The following SYBU variants were observed in gnomAD, a reference collection of about 807,000 sequenced individuals.
The protein encoded by SYBU is GOLSYN A protein.
In SYBU, 21 loss-of-function variants were observed where a neutral mutation model predicts 35.9. The observed-to-expected ratio is 0.58, with a 90% CI of 0.41 to 0.84. SYBU has a LOEUF of 0.84. SYBU is among the 40% of genes least tolerant of loss of function. SYBU has a pLI of 0.00. For synonymous variants in SYBU, 319 were observed against 324.3 expected, an observed-to-expected ratio of 0.98 and a Z score of 0.18; for missense variants, 768 against 848.2, an observed-to-expected ratio of 0.91 and a Z score of 1.17.
At chr8:109,614,707 C>T (rs1438202208) in intron 3 of SYBU, among the ~76,000 whole-genome samples, 1 of 152,210 alleles carries the variant, frequency 6.6e-6, no homozygotes, top group Non-Finnish European at 1.5e-5. Flanking sequence ...TTCAGCCTTG[C>T]GTGTTTTGCA....
In SYBU at chr8:109,643,172, C is replaced by T. The variant is rs973687027; in HGVS notation, c.25-240G>A. The T allele has an allele frequency of 1.5e-5, 16 of 1,096,390 alleles. No individual in the cohort carries two copies. The highest frequency in any genetic ancestry group is 1.3e-4 in the East Asian group (3 of 22,450). The allele number at this position is 1,096,390 out of a possible 1,614,324, so 67.9% of individuals were successfully genotyped here. ...GCACACACACACACACACACACACA[C>T]ATATACACACCTCCACTCACTAGCT... On this transcript the variant is annotated intron_variant, in intron 1 of 6. Transcript: ENST00000276646.
At chr8:109,601,749 C>T (rs142460568) in intron 3 of SYBU, among the ~76,000 whole-genome samples, 20 of 152,222 alleles carry the variant, frequency 1.3e-4, no homozygotes, top group African/African-American at 4.8e-4. Context: ...AAGAAAAACA[C>T]AGGGCATGTT....
chr8:109,629,728 C>T (rs1031080585), intron 2 of SYBU, among the ~76,000 whole-genome samples: 5 of 151,952 alleles, frequency 3.3e-5, no homozygotes, highest in Non-Finnish European at 7.4e-5. Context: ...ACACTGACTT[C>T]CACAATGGTT....
intron 2 of SYBU, 127 bp downstream of exon 2, chr8:109,642,601 C>T (rs1347158846): frequency 5.6e-6 from 3 of 534,230 alleles, no homozygotes; most frequent in African/African-American, 3.9e-5. Context: ...AATGTACCAC[C>T]TTCTACAATT....
At chr8:109,620,453 A>G (rs557130135) in intron 2 of SYBU, among the ~76,000 whole-genome samples, 2 of 152,366 alleles carry the variant, frequency 1.3e-5, no homozygotes, top group South Asian at 2.1e-4. Flanking sequence ...GCTAGAATCC[A>G]TCTAAAGAAA....
chr8:109,664,371 A>C (rs1406925079), intron 1 of SYBU, among the ~76,000 whole-genome samples: 1 of 152,180 alleles, frequency 6.6e-6, no homozygotes, highest in Non-Finnish European at 1.5e-5. Context: ...ACACAAATAA[A>C]TAAATGGAAC....
At chr8:109,607,837 C>CACACAA in intron 3 of SYBU, 1 of 819,170 alleles carries the variant, frequency 1.2e-6, no homozygotes, top group Non-Finnish European at 2.0e-6. Context: ...CACACACACA[C>CACACAA]ACACACACAC....
rs2130433671 is a variant in SYBU, at chr8:109,623,906, T to A, written c.230-4867A>T. On this transcript the variant is annotated intron_variant, in intron 2 of 6. Transcript: ENST00000276646. ...AAGACATACTATTCTCCTATAATTG[T>A]GTTACCCAGAAAAATATTTTGTGAA... is the stretch of plus-strand genomic sequence containing the variant. Among the ~76,000 whole-genome samples, 2 of 152,308 alleles carry A rather than the reference T, an allele frequency of 1.3e-5. 1 individual carries two copies. Among genetic ancestry groups the A allele is most frequent in the Admixed American group, 1.3e-4 (2 of 15,288 alleles).
At chr8:109,668,168 GAGA>G (rs1248180913) in intron 1 of SYBU, among the ~76,000 whole-genome samples, 2 of 118,210 alleles carry the variant, frequency 1.7e-5, no homozygotes, top group African/African-American at 7.4e-5. Flanking sequence ...GAGAGGGGGA[GAGA>G]GAGAGAGAGA....
intron 2 of SYBU, among the ~76,000 whole-genome samples, chr8:109,638,295 C>A (rs1022492179): frequency 6.6e-6 from 1 of 152,182 alleles, no homozygotes; most frequent in African/African-American, 2.4e-5. Flanking sequence ...CTGACACACT[C>A]ACCTAGGTCA....
chr8:109,625,949 C>T (rs1812934595), intron 2 of SYBU, among the ~76,000 whole-genome samples: 1 of 152,130 alleles, frequency 6.6e-6, no homozygotes. Flanking sequence ...TATTAAATAC[C>T]TGCCAGTACT....
chr8:109,631,476 C>A (rs73319168), intron 2 of SYBU, among the ~76,000 whole-genome samples: 4,341 of 152,230 alleles, frequency 0.029, 205 homozygotes, highest in African/African-American at 0.098. Flanking sequence ...AAGCCCTGGG[C>A]AGTAAAGGAG....
At chr8:109,680,656 A>C (rs1217093882) in intron 1 of SYBU, 2 of 152,376 alleles carry the variant, frequency 1.3e-5, no homozygotes, top group African/African-American at 4.8e-5. Flanking sequence ...TTTGACAAGA[A>C]TATAACCCCT....
chr8:109,632,198 C>A (rs140577257), intron 2 of SYBU, among the ~76,000 whole-genome samples: 129 of 152,194 alleles, frequency 8.5e-4, no homozygotes, highest in Admixed American at 2.0e-3. Context: ...TACAGGCGCC[C>A]GCCACCATGC....
At position 109,603,501 on chromosome 8, in the gene SYBU, C is replaced by A. The variant is rs998993167; in HGVS notation, c.427+15341G>T. 5.4e-6 allele frequency: 3 copies of A among 552,566 alleles called. No individual in the cohort carries two copies. In the African/African-American group the frequency reaches 6.1e-5, roughly 11 times the overall value. 34.2% of individuals were successfully genotyped at this position (552,566 alleles called of 1,614,324 possible). On this transcript the variant is annotated intron_variant, in intron 3 of 6. Coordinates refer to ENST00000276646, the MANE Select transcript of SYBU (RefSeq NM_001099754.2). Reference sequence around the variant, plus strand: ...ACCCTTTGCTTGCCCAGCTACTCTGCCCCACCCCCCTACACAAGTTAACTT... The same window carrying A: ...ACCCTTTGCTTGCCCAGCTACTCTGACCCACCCCCCTACACAAGTTAACTT...
chr8:109,611,816 C>T (rs1183470689), intron 3 of SYBU, among the ~76,000 whole-genome samples: 1 of 152,122 alleles, frequency 6.6e-6, no homozygotes, highest in South Asian at 2.1e-4. Context: ...ATCCAAATGG[C>T]CTTGTATGTC....
At chr8:109,605,353 T>C (rs1185769074) in intron 3 of SYBU, among the ~76,000 whole-genome samples, 2 of 152,200 alleles carry the variant, frequency 1.3e-5, no homozygotes, top group African/African-American at 4.8e-5. Flanking sequence ...CTGAGTGATA[T>C]TGCATCTGAA....
At position 109,691,458 on chromosome 8, in the gene SYBU, G is replaced by C. The variant is rs1049030928; in HGVS notation, c.-183C>G. 8.1e-6 allele frequency: 5 copies of C among 618,816 alleles called. No individual in the cohort carries two copies. The highest frequency in any genetic ancestry group is 7.8e-5 in the African/African-American group (4 of 51,374). 38.3% of individuals were successfully genotyped at this position (618,816 alleles called of 1,614,324 possible). A position where few individuals can be genotyped will look rare whatever the true frequency, so the allele number is the denominator to read the frequency against. ...GGACCCCGCGTCGCTGCTGGTTTGC[G>C]CTCAGGCCCGGGGAGCCGGGCCCGG... is the stretch of plus-strand genomic sequence containing the variant. On this transcript the variant is annotated 5_prime_UTR_variant, in exon 1 of 8. Transcript: ENST00000422135. The surrounding 1 kb of genome is among the most constrained non-coding windows in gnomAD (Gnocchi z 4.7).
In SYBU at chr8:109,638,876, C is replaced by T. The variant is rs1055776084; in HGVS notation, c.229+3852G>A. 7.9e-5 allele frequency among the ~76,000 whole-genome samples: 12 copies of T among 151,722 alleles called. No homozygotes were observed. The East Asian group carries it at 1.2e-3, about 15-fold the overall frequency. ...TCAAAGAAATTTCGCTAAGAAGAAGCGATTAAAAAAAACAAAGCTCTTTGG... is the reference window on the plus strand; with the variant it reads ...TCAAAGAAATTTCGCTAAGAAGAAGTGATTAAAAAAAACAAAGCTCTTTGG... On this transcript the variant is annotated intron_variant, in intron 2 of 6. Transcript: ENST00000276646.
Sources: allele counts gnomAD v4.1 joint callset (sites outside exome capture counted in the v4.1 genomes callset), GRCh38; gene constraint gnomAD v4.1.1; non-coding constraint Gnocchi (gnomAD v3.1); transcripts MANE v1.5; gene names NCBI Gene and HGNC (gene_info 2026-07-23, HGNC 2026-07-21).